The following A3GALT2 variants were observed in gnomAD, a reference collection of about 807,000 sequenced individuals.
A3GALT2 encodes the protein alpha 1,3-galactosyltransferase 2.
A neutral mutation model predicts 16.6 loss-of-function variants in A3GALT2; 14 were observed. The observed-to-expected ratio is 0.84, with a 90% CI of 0.56 to 1.32. The LOEUF is 1.32. A3GALT2 is among the 40% of genes most tolerant of loss of function. The probability of loss-of-function intolerance (pLI) is 0.00; values close to 1 mark genes in which losing one functional copy is unlikely to be tolerated. For synonymous variants in A3GALT2, 253 were observed against 218.0 expected (o/e 1.16, Z -1.42); for missense variants, 600 against 490.9 (o/e 1.22, Z -2.10).
chr1:33,318,189 C>T (rs1646269829), intron 1 of A3GALT2, among the ~76,000 whole-genome samples: 1 of 152,198 alleles, frequency 6.6e-6, no homozygotes, highest in African/African-American at 2.4e-5. Context: ...TAGCATCATC[C>T]AGTGGAAGTA....
chr1:33,310,077 A>C (rs1388705421), intron 4 of A3GALT2, among the ~76,000 whole-genome samples: 3 of 152,276 alleles, frequency 2.0e-5, no homozygotes, highest in African/African-American at 7.2e-5. Context: ...CGAGGCGGGC[A>C]GATCACTCGC....
rs1238503180 is a variant in A3GALT2, at chr1:33,307,447, C to CAGGT, written c.338_341dup (p.Glu115ProfsTer140). On this transcript the variant is annotated frameshift_variant, in exon 5 of 5. Transcript: ENST00000442999. LOFTEE classifies it low-confidence loss of function (END_TRUNC). ...CCAGGAAGCGCTCCAGGTACTTCTC[C>CAGGT]AGGTATCTAAGGGCGCGGCGCCACC... 15 of 1,507,938 alleles carry CAGGT rather than the reference C, an allele frequency of 9.9e-6. No individual in the cohort carries two copies. The highest frequency in any genetic ancestry group is 1.3e-5 in the Non-Finnish European group (15 of 1,139,778). The allele number at this position is 1,507,938 out of a possible 1,614,324, so 93.4% of individuals were successfully genotyped here. A position where few individuals can be genotyped will look rare whatever the true frequency, so the allele number is the denominator to read the frequency against.
chr1:33,309,420 G>C (rs964625024), intron 4 of A3GALT2, among the ~76,000 whole-genome samples: 1 of 151,728 alleles, frequency 6.6e-6, no homozygotes, highest in Non-Finnish European at 1.5e-5. Flanking sequence ...CTCCCGGACG[G>C]GGCGGCTGGC....
At chr1:33,315,927 T>C (rs947635473) in intron 1 of A3GALT2, among the ~76,000 whole-genome samples, 1 of 151,960 alleles carries the variant, frequency 6.6e-6, no homozygotes, top group South Asian at 2.1e-4. Context: ...GTGGGTGTAG[T>C]TGGGCGGGGG....
intron 1 of A3GALT2, among the ~76,000 whole-genome samples, chr1:33,315,253 G>C (rs1199028602): frequency 6.6e-6 from 1 of 152,092 alleles, no homozygotes; most frequent in Non-Finnish European, 1.5e-5. Context: ...GTGGTGGCAC[G>C]CGTCGGTAGT....
chr1:33,306,865 C>T lies in A3GALT2; in HGVS notation c.924G>A (p.Ser308=). The T allele has an allele frequency of 6.6e-7, 1 of 1,516,276 alleles. No homozygotes were observed. The highest frequency in any genetic ancestry group is 8.8e-7 in the Non-Finnish European group (1 of 1,137,896). The allele number at this position is 1,516,276 out of a possible 1,614,324, so 93.9% of individuals were successfully genotyped here. The part of the protein sequence containing the change: ...FWLHKPAKVL[S]PEFCWSPDIG... ...TGTCCGGGCTCCAGCAGAACTCGGG[C>T]GACAGCACCTTGGCGGGCTTGTGCA... The change falls in exon 5 of 5, where the codon TCG becomes TCA. Residue 308 remains serine, a synonymous_variant. Coordinates refer to ENST00000442999, the MANE Select transcript of A3GALT2 (RefSeq NM_001080438.1).
In A3GALT2 at chr1:33,306,945, G is replaced by GCGCGCGGTCCCAGTCCAGGCCCCC. The variant is rs1646195393; in HGVS notation, c.820_843dup (p.Gly274_Ala281dup). The GCGCGCGGTCCCAGTCCAGGCCCCC allele has an allele frequency of 1.3e-6, 2 of 1,509,432 alleles. No individual in the cohort carries two copies. Among genetic ancestry groups the GCGCGCGGTCCCAGTCCAGGCCCCC allele is most frequent in the Admixed American group, 2.1e-5 (1 of 46,686 alleles). The allele number at this position is 1,509,432 out of a possible 1,614,324, so 93.5% of individuals were successfully genotyped here. A position where few individuals can be genotyped will look rare whatever the true frequency, so the allele number is the denominator to read the frequency against. ...TCGTGCCAGCGCGCCTCCAGGCCGCGCGCGCGGTCCCAGTCCAGGCCCCCC... is the reference window on the plus strand; with the variant it reads ...TCGTGCCAGCGCGCCTCCAGGCCGCGCGCGCGGTCCCAGTCCAGGCCCCCCGCGCGGTCCCAGTCCAGGCCCCCC... On this transcript the variant is annotated inframe_insertion, in exon 5 of 5. Transcript: ENST00000442999.
chr1:33,308,757 T>TTTTTTTTTTTTTG (rs1646216958), intron 4 of A3GALT2, among the ~76,000 whole-genome samples: 1 of 98,470 alleles, frequency 1.0e-5, no homozygotes, highest in African/African-American at 6.2e-5. Context: ...GTTGTTTTTT[T>TTTTTTTTTTTTTG]TTTTTTTTTT....
chr1:33,316,546 C>T (rs1292208688), intron 1 of A3GALT2, among the ~76,000 whole-genome samples: 1 of 148,694 alleles, frequency 6.7e-6, no homozygotes, highest in Non-Finnish European at 1.5e-5. Flanking sequence ...AGGGAGGGCA[C>T]TGCTGGAGGC....
chr1:33,312,872 G>C lies in A3GALT2; in HGVS notation c.42C>G (p.Phe14Leu). The change falls in exon 2 of 5, where the codon TTC (phenylalanine) becomes TTG (leucine). Residue 14 changes from phenylalanine to leucine, a missense_variant. Transcript: ENST00000442999. ...CAAGTGTAAGTAGGATCTGCCGCCA[G>C]AAGATTCTCTTCCAGGCCCTGGGGG... The part of the protein sequence containing the change: ...KEGLRAWKRI[F>L]WRQILLTLGL... The C allele has an allele frequency of 6.2e-7, 1 of 1,606,458 alleles. No individual in the cohort carries two copies. The highest frequency in any genetic ancestry group is 8.5e-7 in the Non-Finnish European group (1 of 1,176,620).
chr1:33,318,626 T>A (rs192113576), intron 1 of A3GALT2, among the ~76,000 whole-genome samples: 8 of 152,242 alleles, frequency 5.3e-5, no homozygotes, highest in African/African-American at 1.9e-4. Context: ...CCCTTCACTA[T>A]GAAGTCTCCT....
intron 4 of A3GALT2, among the ~76,000 whole-genome samples, chr1:33,310,336 GGGGAGAGGGAGACCA>G (rs1005780871): frequency 1.3e-5 from 2 of 148,668 alleles, no homozygotes; most frequent in East Asian, 3.9e-4. Flanking sequence ...GAGGGAGACC[GGGGAGAGGGAGACCA>G]GGGAGAGGAA....
At chr1:33,317,313 A>G (rs1557810057) in intron 1 of A3GALT2, among the ~76,000 whole-genome samples, 1 of 152,258 alleles carries the variant, frequency 6.6e-6, no homozygotes, top group Non-Finnish European at 1.5e-5. Flanking sequence ...AAAAACGTGC[A>G]TCAGAAAATA....
chr1:33,315,977 CAG>C (rs1444280251), intron 1 of A3GALT2, among the ~76,000 whole-genome samples: 3 of 152,118 alleles, frequency 2.0e-5, no homozygotes, highest in African/African-American at 7.2e-5. Context: ...ACACTGAAAA[CAG>C]ATGTGTGGAA....
At position 33,320,101 on chromosome 1, in the gene A3GALT2, T is replaced by A. The variant is rs1189855117; in HGVS notation, c.23+975A>T. ...TTCTCGGCCCTGTTATTTCTCCCCG[T>A]GGGCTTGGCTTCTTCCCTTCGCACT... On this transcript the variant is annotated intron_variant, in intron 1 of 4. Transcript: ENST00000442999. This position sits in a 1 kb window ranked among gnomAD's most constrained non-coding sequence, Gnocchi z 4.3. 2.6e-5 allele frequency among the ~76,000 whole-genome samples: 4 copies of A among 151,914 alleles called. No individual in the cohort carries two copies. The highest frequency in any genetic ancestry group is 9.7e-5 in the African/African-American group (4 of 41,420).
Position 33,306,822 on chromosome 1 carries a change from T to A in A3GALT2, c.967A>T (p.Ile323Phe). The A allele has an allele frequency of 6.7e-7, 1 of 1,484,230 alleles. No individual in the cohort carries two copies. The highest frequency in any genetic ancestry group is 8.9e-7 in the Non-Finnish European group (1 of 1,123,972). 91.9% of individuals were successfully genotyped at this position (1,484,230 alleles called of 1,614,324 possible). A position where few individuals can be genotyped will look rare whatever the true frequency, so the allele number is the denominator to read the frequency against. ...WSPDIGPRAE[I>F]RRPRLLWAPK... ...GCCCACAGCAGTCGCGGGCGGCGGATCTCGGCCCGCGGGCCGATGTCCGGG... is the reference window on the plus strand; with the variant it reads ...GCCCACAGCAGTCGCGGGCGGCGGAACTCGGCCCGCGGGCCGATGTCCGGG... Residue 323 changes from isoleucine to phenylalanine, a missense_variant, in exon 5 of 5, where the codon ATC becomes TTC. Ile to Phe is a conservative substitution (Grantham distance 21, BLOSUM62 0). Coordinates refer to ENST00000442999, the MANE Select transcript of A3GALT2 (RefSeq NM_001080438.1).
rs1483339156 is a variant in A3GALT2, at chr1:33,306,883, C to T, written c.906G>A (p.Lys302=). 2.6e-6 allele frequency: 4 copies of T among 1,521,108 alleles called. No individual in the cohort carries two copies. The African/African-American group carries it at 4.3e-5, about 16-fold the overall frequency. The allele number at this position is 1,521,108 out of a possible 1,614,324, so 94.2% of individuals were successfully genotyped here. ...SHLNKFFWLH[K]PAKVLSPEFC... ...ACTCGGGCGACAGCACCTTGGCGGG[C>T]TTGTGCAGCCAGAAGAACTTGTTGA... is the stretch of plus-strand genomic sequence containing the variant. Residue 302 remains lysine, a synonymous_variant, in exon 5 of 5, where the codon AAG becomes AAA. Transcript: ENST00000442999.
At chr1:33,317,216 C>T (rs1206822738) in intron 1 of A3GALT2, among the ~76,000 whole-genome samples, 5 of 151,746 alleles carry the variant, frequency 3.3e-5, no homozygotes, top group African/African-American at 7.3e-5. Context: ...TCTGCAGTCA[C>T]GTAGAAAAAT....
intron 4 of A3GALT2, among the ~76,000 whole-genome samples, chr1:33,309,296 G>A (rs1182176908): frequency 1.3e-5 from 2 of 152,302 alleles, no homozygotes; most frequent in East Asian, 1.9e-4. Context: ...CCTCCCAGAC[G>A]GGGTGGCGGC....
Sources: gnomAD v4.1 joint callset for allele counts (sites outside exome capture counted in the v4.1 genomes callset) on GRCh38, gnomAD v4.1.1 for gene constraint, Gnocchi (gnomAD v3.1) non-coding constraint, MANE v1.5 for transcripts, NCBI Gene and HGNC (gene_info 2026-07-23, HGNC 2026-07-21) for gene names.